Variants in SEMA5A observed in about 807,000 individuals in gnomAD.
The protein encoded by SEMA5A is semaphorin 5A.
In SEMA5A, 55 loss-of-function variants were observed where a neutral mutation model predicts 135.5. That is an observed-to-expected ratio of 0.41 (90% CI 0.33 to 0.51). The LOEUF (loss-of-function observed/expected upper bound fraction) is 0.51, where lower values mean the gene tolerates loss of function less well. Ranked by LOEUF, SEMA5A falls within the 20% of genes least tolerant of loss-of-function variation. The pLI, the probability that SEMA5A is intolerant of heterozygous loss-of-function variation, is 0.37. For synonymous variants in SEMA5A, 580 were observed against 546.5 expected, an observed-to-expected ratio of 1.06 and a Z score of -0.85; for missense variants, 1,290 against 1,419.9, an observed-to-expected ratio of 0.91 and a Z score of 1.47.
chr5:9,425,119 C>T (rs1439097474), intron 2 of SEMA5A, among the ~76,000 whole-genome samples: 1 of 152,210 alleles, frequency 6.6e-6, no homozygotes, highest in Non-Finnish European at 1.5e-5. Flanking sequence ...CAATTCACAC[C>T]ACTGTCCCTT....
chr5:9,452,828 A>G (rs994779489), intron 1 of SEMA5A, among the ~76,000 whole-genome samples: 9 of 152,176 alleles, frequency 5.9e-5, no homozygotes, highest in African/African-American at 1.4e-4. Context: ...ATGAAGCCCA[A>G]CGACAATAAT....
rs10679247 is a variant in SEMA5A at position 9,035,980 on chromosome 5, A to AAG, written c.*6916_*6917insCT. ...TTCACAAAAAAAAAAAAAAAAAAAA[A>AAG]TCTCAAGTTTATTTTGTGTTCACAA... is the stretch of plus-strand genomic sequence containing the variant. On this transcript the variant is annotated 3_prime_UTR_variant, in exon 23 of 23. Coordinates refer to ENST00000382496, the MANE Select transcript of SEMA5A (RefSeq NM_003966.3). 2.0e-5 allele frequency: 3 copies of AAG among 150,816 alleles called. No individual in the cohort carries two copies. Among genetic ancestry groups the AAG allele is most frequent in the Non-Finnish European group, 4.4e-5 (3 of 67,486 alleles). The allele number at this position is 150,816 out of a possible 1,614,324, so 9.3% of individuals were successfully genotyped here. A position where few individuals can be genotyped will look rare whatever the true frequency, so the allele number is the denominator to read the frequency against.
chr5:9,475,739 AAG>A (rs1421990992), intron 1 of SEMA5A, among the ~76,000 whole-genome samples: 1 of 152,214 alleles, frequency 6.6e-6, no homozygotes, highest in Non-Finnish European at 1.5e-5. Flanking sequence ...AGCAGGAAAA[AAG>A]AGTCTCATTC....
chr5:9,361,292 C>A (rs1754682661), intron 3 of SEMA5A, among the ~76,000 whole-genome samples: 1 of 118,150 alleles, frequency 8.5e-6, no homozygotes. Flanking sequence ...AAGCGAGACT[C>A]TGTCTCAAAA....
chr5:9,323,185 C>T (rs1213588162), intron 4 of SEMA5A, among the ~76,000 whole-genome samples: 4 of 152,186 alleles, frequency 2.6e-5, no homozygotes, highest in Admixed American at 6.5e-5. Context: ...ATACAATTAT[C>T]TCAATGTATT....
chr5:9,356,306 G>T (rs1754444419), intron 3 of SEMA5A, among the ~76,000 whole-genome samples: 1 of 152,188 alleles, frequency 6.6e-6, no homozygotes, highest in Admixed American at 6.5e-5. Context: ...AGAAGAAAGG[G>T]TTGGTGTGTG....
intron 12 of SEMA5A, among the ~76,000 whole-genome samples, chr5:9,151,735 C>A (rs1006634319): frequency 1.3e-5 from 2 of 152,158 alleles, no homozygotes; most frequent in Non-Finnish European, 1.5e-5. Context: ...AAAAACTAAC[C>A]CCCTCTGAGG....
At chr5:9,535,046 T>A (rs1398683147) in intron 1 of SEMA5A, among the ~76,000 whole-genome samples, 1 of 152,208 alleles carries the variant, frequency 6.6e-6, no homozygotes, top group Non-Finnish European at 1.5e-5. Flanking sequence ...CAGGGCTGAA[T>A]GAGGTGTGAG....
intron 1 of SEMA5A, among the ~76,000 whole-genome samples, chr5:9,486,378 A>G (rs1396908755): frequency 2.0e-5 from 3 of 152,252 alleles, no homozygotes; most frequent in Admixed American, 2.0e-4. Context: ...CTGCCATGGC[A>G]CATGTATACC....
intron 4 of SEMA5A, among the ~76,000 whole-genome samples, chr5:9,336,942 T>C (rs1223454164): frequency 6.6e-6 from 1 of 152,202 alleles, no homozygotes; most frequent in African/African-American, 2.4e-5. Flanking sequence ...ATGGACCCTT[T>C]CTTAAACTTT....
chr5:9,287,385 A>T (rs1433745545), intron 5 of SEMA5A, among the ~76,000 whole-genome samples: 1 of 152,186 alleles, frequency 6.6e-6, no homozygotes, highest in Non-Finnish European at 1.5e-5. Context: ...ACATCCTTTC[A>T]TATATACATA....
chr5:9,540,665 GAGTCACGGA>G (rs1455837888), intron 1 of SEMA5A, among the ~76,000 whole-genome samples: 10 of 152,142 alleles, frequency 6.6e-5, no homozygotes, highest in African/African-American at 2.4e-4. Flanking sequence ...CCTGTAAAAG[GAGTCACGGA>G]AGCCAGTTGT....
At position 9,103,728 on chromosome 5, in the gene SEMA5A, C is replaced by T. The variant is rs144181115; in HGVS notation, c.2073+4412G>A. 8.8e-4 allele frequency among the ~76,000 whole-genome samples: 134 copies of T among 152,268 alleles called. 2 individuals are homozygous for T. Among genetic ancestry groups the T allele is most frequent in the African/African-American group, 2.8e-3 (117 of 41,544 alleles). ...TACAGCAAAAAATAAGGTAAATCTGCTAAACCTTTGAGGAAATTTTGAGTT... is the reference window on the plus strand; with the variant it reads ...TACAGCAAAAAATAAGGTAAATCTGTTAAACCTTTGAGGAAATTTTGAGTT... On this transcript the variant is annotated intron_variant, in intron 16 of 22. Coordinates refer to ENST00000382496, the MANE Select transcript of SEMA5A (RefSeq NM_003966.3).
chr5:9,529,306 C>G (rs455538), intron 1 of SEMA5A, among the ~76,000 whole-genome samples: 44,223 of 152,132 alleles, frequency 0.29, 6,521 homozygotes, highest in Non-Finnish European at 0.31. Flanking sequence ...ACAGCCTCCT[C>G]CCCAGCTGCC....
intron 1 of SEMA5A, among the ~76,000 whole-genome samples, chr5:9,493,282 CATCTATCT>C (rs55635610): frequency 7.4e-5 from 11 of 149,480 alleles, no homozygotes; most frequent in East Asian, 2.0e-4. Flanking sequence ...TATGTAGCAG[CATCTATCT>C]ATCTATCTAT....
At position 9,221,873 on chromosome 5, in the gene SEMA5A, G is replaced by C. The variant is rs565308436; in HGVS notation, c.646+2801C>G. Among the ~76,000 whole-genome samples the C allele has an allele frequency of 3.3e-5, 5 of 152,256 alleles. No homozygotes were observed. In the South Asian group the frequency reaches 8.3e-4, roughly 25 times the overall value. On this transcript the variant is annotated intron_variant, in intron 8 of 22. Transcript: ENST00000382496. ...AGAATCCCTGGGAGAGGCTGGGAGA[G>C]GACTGGAGTGGGGGTAGTTGCAAGG...
chr5:9,286,258 C>T (rs142025049), intron 5 of SEMA5A, among the ~76,000 whole-genome samples: 1 of 152,116 alleles, frequency 6.6e-6, no homozygotes, highest in African/African-American at 2.4e-5. Flanking sequence ...TGATAATATG[C>T]CATGTGTATT....
chr5:9,303,185 C>T (rs1476711195), intron 5 of SEMA5A, among the ~76,000 whole-genome samples: 3 of 150,944 alleles, frequency 2.0e-5, no homozygotes, highest in Admixed American at 6.6e-5. Flanking sequence ...GGCGCCATCT[C>T]GGCTTACTGC....
chr5:9,216,693 G>T (rs1483935810), intron 8 of SEMA5A, among the ~76,000 whole-genome samples: 1 of 152,164 alleles, frequency 6.6e-6, no homozygotes, highest in Non-Finnish European at 1.5e-5. Context: ...ATTTAGGATA[G>T]TTATGTCATC....
Sources: allele counts gnomAD v4.1 joint callset (sites outside exome capture counted in the v4.1 genomes callset), GRCh38; gene constraint gnomAD v4.1.1; transcripts MANE v1.5; gene names NCBI Gene and HGNC (gene_info 2026-07-23, HGNC 2026-07-21).